Variants in PITPNB observed in about 807,000 individuals in gnomAD.
PITPNB encodes the protein phosphatidylinositol transfer protein beta isoform.
In PITPNB, 16 loss-of-function variants were observed where a neutral mutation model predicts 45.9. The observed-to-expected ratio is 0.35, with a 90% CI of 0.24 to 0.53. The LOEUF is 0.53. PITPNB is among the 20% of genes least tolerant of loss of function. PITPNB has a pLI of 0.93. For missense variants in PITPNB, 188 were observed against 330.5 expected (o/e 0.57, Z 3.34); for synonymous variants, 112 against 108.9 (o/e 1.03, Z -0.18).
At position 27,854,851 on chromosome 22, in the gene PITPNB, T is replaced by C; in HGVS notation, c.*38+3A>G. 1 of 1,597,686 alleles carries C rather than the reference T, an allele frequency of 6.3e-7. No homozygotes were observed. The highest frequency in any genetic ancestry group is 1.3e-5 in the African/African-American group (1 of 74,728). On this transcript the variant is annotated splice_donor_region_variant and intron_variant, in intron 11 of 11. Transcript: ENST00000335272. Reference sequence around the variant, plus strand: ...ACATCTTTTTACCCAGGTCTTCACTTACACAGTTTGACATTGTCTCTGACC... The same window carrying C: ...ACATCTTTTTACCCAGGTCTTCACTCACACAGTTTGACATTGTCTCTGACC...
chr22:27,903,526 A>T (rs1448020806), intron 3 of PITPNB, among the ~76,000 whole-genome samples: 1 of 151,406 alleles, frequency 6.6e-6, no homozygotes, highest in Non-Finnish European at 1.5e-5. Context: ...CTGTAATCCC[A>T]GTACTTTGGG....
Position 27,897,242 on chromosome 22 carries a change from A to C in PITPNB, c.290-105T>G, listed in dbSNP as rs1245770743. The C allele has an allele frequency of 1.9e-5, 15 of 802,850 alleles. No homozygotes were observed. In the East Asian group the frequency reaches 3.6e-4, roughly 19 times the overall value. The allele number at this position is 802,850 out of a possible 1,614,324, so 49.7% of individuals were successfully genotyped here. On this transcript the variant is annotated intron_variant, in intron 4 of 11. Coordinates refer to ENST00000335272, the MANE Select transcript of PITPNB (RefSeq NM_012399.5). ...TACTTAATGTCACAAAGACTAAACT[A>C]TCTGAAAACAGAACATTTATTTAGT...
At chr22:27,887,908 T>C (rs960383883) in intron 7 of PITPNB, among the ~76,000 whole-genome samples, 1 of 152,110 alleles carries the variant, frequency 6.6e-6, no homozygotes, top group African/African-American at 2.4e-5. Flanking sequence ...CCACTAAATA[T>C]GTAGTGATCT....
At chr22:27,876,435 A>T (rs1042531019) in intron 7 of PITPNB, among the ~76,000 whole-genome samples, 2 of 152,220 alleles carry the variant, frequency 1.3e-5, no homozygotes, top group Non-Finnish European at 2.9e-5. Flanking sequence ...ACAAAACCCA[A>T]TTATTAACAA....
At chr22:27,909,207 C>CTTTTTT (rs34224616) in intron 3 of PITPNB, among the ~76,000 whole-genome samples, 7 of 82,242 alleles carry the variant, frequency 8.5e-5, no homozygotes, top group African/African-American at 1.5e-4. Context: ...ACTGGTAGTA[C>CTTTTTT]TTTTTTTTTT....
intron 7 of PITPNB, among the ~76,000 whole-genome samples, chr22:27,892,457 G>T (rs1029316949): frequency 6.6e-6 from 1 of 152,138 alleles, no homozygotes; most frequent in Non-Finnish European, 1.5e-5. Context: ...CATTTTGTTT[G>T]GTCATTATAG....
At chr22:27,895,435 C>G (rs1385493621) in intron 6 of PITPNB, among the ~76,000 whole-genome samples, 1 of 151,840 alleles carries the variant, frequency 6.6e-6, no homozygotes, top group Non-Finnish European at 1.5e-5. Context: ...ACTGAAAATA[C>G]AAAAGTTAGC....
chr22:27,858,904 C>T (rs1332132327), intron 9 of PITPNB, among the ~76,000 whole-genome samples: 3 of 152,082 alleles, frequency 2.0e-5, no homozygotes, highest in African/African-American at 7.2e-5. Context: ...TTAACATTCA[C>T]TATGAGGTGG....
intron 7 of PITPNB, among the ~76,000 whole-genome samples, chr22:27,882,364 T>C (rs754831485): frequency 2.0e-5 from 3 of 152,064 alleles, no homozygotes; most frequent in Non-Finnish European, 2.9e-5. Context: ...GAAAAGCAAA[T>C]CATTTATGTT....
intron 7 of PITPNB, chr22:27,894,297 A>G (rs978926391): frequency 6.6e-6 from 2 of 304,096 alleles, no homozygotes; most frequent in Admixed American, 9.8e-5. Flanking sequence ...TACATTTCCC[A>G]GGTATACTGG....
chr22:27,896,786 T>A, intron 5 of PITPNB, 160 bp from the exon 6 acceptor site: 1 of 617,394 alleles, frequency 1.6e-6, no homozygotes, highest in African/African-American at 1.8e-5. Context: ...TTTTATAGAC[T>A]TGTCAGGCAA....
intron 7 of PITPNB, among the ~76,000 whole-genome samples, chr22:27,881,998 T>C (rs1206383087): frequency 6.6e-6 from 1 of 152,214 alleles, no homozygotes; most frequent in Non-Finnish European, 1.5e-5. Flanking sequence ...TGACGAAGTT[T>C]AGTAAAGCAT....
chr22:27,864,546 G>T (rs764967176), intron 8 of PITPNB, among the ~76,000 whole-genome samples: 10 of 152,108 alleles, frequency 6.6e-5, no homozygotes, highest in South Asian at 2.1e-4. Flanking sequence ...CAAAAATCTG[G>T]ACTTATTAAT....
At chr22:27,862,547 C>T (rs777898131) in intron 8 of PITPNB, among the ~76,000 whole-genome samples, 5 of 152,096 alleles carry the variant, frequency 3.3e-5, no homozygotes, top group Admixed American at 1.3e-4. Flanking sequence ...TGTTCTCTTG[C>T]AGGTGAGCTC....
chr22:27,905,261 C>T lies in PITPNB; in HGVS notation c.197+5703G>A, dbSNP rs566296204. Among the ~76,000 whole-genome samples, 12 of 152,338 alleles carry T rather than the reference C, an allele frequency of 7.9e-5. No homozygotes were observed. The South Asian group carries it at 2.3e-3, about 29-fold the overall frequency. The stretch of plus-strand genomic sequence containing the variant: ...CTCCCAGGTTCAAGCAATCCTCCTG[C>T]CTCAGCCTCCCAAGTAGCTGGGATT... On this transcript the variant is annotated intron_variant, in intron 3 of 11. Coordinates refer to ENST00000335272, the MANE Select transcript of PITPNB (RefSeq NM_012399.5).
chr22:27,918,783 A>G (rs1936170451), intron 1 of PITPNB, among the ~76,000 whole-genome samples: 1 of 152,132 alleles, frequency 6.6e-6, no homozygotes, highest in Non-Finnish European at 1.5e-5. Flanking sequence ...AGTCAGAACC[A>G]ACGTGTCTCT....
chr22:27,877,411 T>A (rs949158124), intron 7 of PITPNB, among the ~76,000 whole-genome samples: 1 of 152,198 alleles, frequency 6.6e-6, no homozygotes, highest in Non-Finnish European at 1.5e-5. Context: ...AAAGGCAGGA[T>A]AGCCTTCGGA....
At chr22:27,898,412 T>C (rs971623922) in intron 3 of PITPNB, among the ~76,000 whole-genome samples, 6 of 150,606 alleles carry the variant, frequency 4.0e-5, no homozygotes, top group Non-Finnish European at 5.9e-5. Context: ...AAAGGTTTTG[T>C]GTGTGTGTGT....
At chr22:27,888,190 A>G (rs1381799426) in intron 7 of PITPNB, among the ~76,000 whole-genome samples, 1 of 152,224 alleles carries the variant, frequency 6.6e-6, no homozygotes, top group Non-Finnish European at 1.5e-5. Context: ...ATCAGTACAA[A>G]TAGAGCTCAC....
Sources: allele counts gnomAD v4.1 joint callset (sites outside exome capture counted in the v4.1 genomes callset), GRCh38; gene constraint gnomAD v4.1.1; transcripts MANE v1.5; gene names NCBI Gene and HGNC (gene_info 2026-07-23, HGNC 2026-07-21).